Variants in GALNT18 observed in about 807,000 individuals in gnomAD.
GALNT18 encodes polypeptide N-acetylgalactosaminyltransferase 18.
GALNT18 carries 44 observed loss-of-function variants against 69.5 expected under a neutral mutation model. The ratio of observed to expected loss-of-function variants is 0.63; its 90% CI spans 0.50 to 0.81. The LOEUF (loss-of-function observed/expected upper bound fraction) is 0.81, where lower values mean the gene tolerates loss of function less well. Ranked by LOEUF, GALNT18 falls within the 40% of genes least tolerant of loss-of-function variation. The pLI is 0.00. For missense variants in GALNT18, 715 were observed against 810.0 expected (o/e 0.88, Z 1.42); for synonymous variants, 364 against 318.2 (o/e 1.14, Z -1.53).
At position 11,306,072 on chromosome 11, in the gene GALNT18, G is replaced by C. The variant is rs1849573121; in HGVS notation, c.1513-12879C>G. Among the ~76,000 whole-genome samples the C allele has an allele frequency of 2.0e-5, 3 of 152,200 alleles. No homozygotes were observed. The South Asian group carries it at 6.2e-4, about 32-fold the overall frequency. ...GAATGGGGTCTCTCCCCAGGACATA[G>C]TCTATGCCATGTCTAGACCTTACCT... On this transcript the variant is annotated intron_variant, in intron 9 of 10. Transcript: ENST00000227756.
At chr11:11,325,310 G>T (rs1849898876) in intron 9 of GALNT18, among the ~76,000 whole-genome samples, 1 of 152,206 alleles carries the variant, frequency 6.6e-6, no homozygotes, top group Admixed American at 6.5e-5. Context: ...GCTAAGCTAT[G>T]AGGATGCAAA....
chr11:11,369,327 C>A (rs1232447562), intron 6 of GALNT18, among the ~76,000 whole-genome samples: 1 of 152,158 alleles, frequency 6.6e-6, no homozygotes, highest in African/African-American at 2.4e-5. Flanking sequence ...AGGGAAGGAT[C>A]CTTCTTTGCC....
At chr11:11,471,527 C>T (rs1173179790) in intron 1 of GALNT18, among the ~76,000 whole-genome samples, 1 of 152,210 alleles carries the variant, frequency 6.6e-6, no homozygotes, top group African/African-American at 2.4e-5. Flanking sequence ...GCTGTGATTC[C>T]CCAGGTCTCT....
At position 11,592,309 on chromosome 11, in the gene GALNT18, T is replaced by C. The variant is rs1385215855; in HGVS notation, c.235+29050A>G. 2.0e-5 allele frequency among the ~76,000 whole-genome samples: 3 copies of C among 152,038 alleles called. No homozygotes were observed. On this transcript the variant is annotated intron_variant, in intron 1 of 10. Transcript: ENST00000227756. The surrounding 1 kb of genome is among the most constrained non-coding windows in gnomAD (Gnocchi z 5.9). Reference sequence around the variant, plus strand: ...TTATATGCACGGTTACGAAAAAAAATCAAAGATGTTTCCCACACATTGTCC... The same window carrying C: ...TTATATGCACGGTTACGAAAAAAAACCAAAGATGTTTCCCACACATTGTCC...
chr11:11,395,417 A>G lies in GALNT18; in HGVS notation c.596-16153T>C, dbSNP rs190584283. On this transcript the variant is annotated intron_variant, in intron 3 of 10. Transcript: ENST00000227756. ...GTCTGCATCAGCTCATTTAATCTGC[A>G]TATGTAGCAGGGCCTGTGCTAGGGG... Among the ~76,000 whole-genome samples the G allele has an allele frequency of 1.4e-3, 217 of 152,356 alleles. 2 individuals are homozygous for G. Among genetic ancestry groups the G allele is most frequent in the African/African-American group, 5.0e-3 (206 of 41,580 alleles).
intron 1 of GALNT18, among the ~76,000 whole-genome samples, chr11:11,516,502 A>G (rs1451747017): frequency 6.6e-6 from 1 of 152,146 alleles, no homozygotes; most frequent in Non-Finnish European, 1.5e-5. Context: ...GTGGTGGAGC[A>G]TATCTGTAGT....
intron 3 of GALNT18, among the ~76,000 whole-genome samples, chr11:11,424,947 G>A (rs1465471748): frequency 6.6e-6 from 1 of 152,128 alleles, no homozygotes; most frequent in Admixed American, 6.5e-5. Flanking sequence ...AGTGCATGCT[G>A]GACAAAGCGA....
In GALNT18 at chr11:11,544,237, C is replaced by A. The variant is rs759687824; in HGVS notation, c.235+77122G>T. 5.1e-4 allele frequency among the ~76,000 whole-genome samples: 77 copies of A among 152,174 alleles called. 2 individuals are homozygous for A. The highest frequency in any genetic ancestry group is 8.8e-5 in the Non-Finnish European group (6 of 68,030). ...AGTAATGGACATTGAGGGGACCCAA[C>A]CTTCAGTACACACAAGTGGGAGCAA... is the stretch of plus-strand genomic sequence containing the variant. On this transcript the variant is annotated intron_variant, in intron 1 of 10. Coordinates refer to ENST00000227756, the MANE Select transcript of GALNT18 (RefSeq NM_198516.3).
In GALNT18 at chr11:11,314,909, A is replaced by G. The variant is rs1401161690; in HGVS notation, c.1512+12177T>C. 6.6e-6 allele frequency among the ~76,000 whole-genome samples: 1 copy of G among 152,094 alleles called. No individual in the cohort carries two copies. Among genetic ancestry groups the G allele is most frequent in the Non-Finnish European group, 1.5e-5 (1 of 68,012 alleles). ...GGACTTATGGCCTACACACTCAACT[A>G]TTGGTGGTGGGGCCTAGGGATATCT... On this transcript the variant is annotated intron_variant, in intron 9 of 10. Coordinates refer to ENST00000227756, the MANE Select transcript of GALNT18 (RefSeq NM_198516.3). This position sits in a 1 kb window ranked among gnomAD's most constrained non-coding sequence, Gnocchi z 5.2.
intron 3 of GALNT18, among the ~76,000 whole-genome samples, chr11:11,422,661 G>T (rs1855037486): frequency 6.6e-6 from 1 of 151,004 alleles, no homozygotes; most frequent in Admixed American, 6.6e-5. Flanking sequence ...CCAGCTGCAT[G>T]CAAAGCTGTT....
intron 2 of GALNT18, among the ~76,000 whole-genome samples, chr11:11,442,584 C>G (rs1348768995): frequency 6.6e-6 from 1 of 152,136 alleles, no homozygotes. Context: ...CCAGGAAGAC[C>G]AGTGCCCCTG....
rs1853942812 is a variant in GALNT18, at chr11:11,382,393, G to T, written c.596-3129C>A. ...CTATCCCAAAAATACTTCTGCGTTG[G>T]CTGGAAAATTGCTTTCCAAAACACT... On this transcript the variant is annotated intron_variant, in intron 3 of 10. Transcript: ENST00000227756. This position sits in a 1 kb window ranked among gnomAD's most constrained non-coding sequence, Gnocchi z 4.3. 6.6e-6 allele frequency among the ~76,000 whole-genome samples: 1 copy of T among 152,170 alleles called. No homozygotes were observed. Among genetic ancestry groups the T allele is most frequent in the South Asian group, 2.1e-4 (1 of 4,830 alleles).
rs1348390181 is a variant in GALNT18, at chr11:11,459,460, G to A, written c.236-10524C>T. Among the ~76,000 whole-genome samples the A allele has an allele frequency of 6.6e-6, 1 of 152,260 alleles. No individual in the cohort carries two copies. The highest frequency in any genetic ancestry group is 2.1e-4 in the South Asian group (1 of 4,818). On this transcript the variant is annotated intron_variant, in intron 1 of 10. Coordinates refer to ENST00000227756, the MANE Select transcript of GALNT18 (RefSeq NM_198516.3). The surrounding 1 kb of genome is among the most constrained non-coding windows in gnomAD (Gnocchi z 5.0). ...GAACAGTGTTGCAGGGAAGAAGAGA[G>A]GCTTCTTCAGGGTGCCTCAGCCCAA...
intron 1 of GALNT18, chr11:11,476,570 C>T (rs77008061): frequency 2.3e-4 from 35 of 152,270 alleles, no homozygotes; most frequent in African/African-American, 7.0e-4. Context: ...ATGGACAGCT[C>T]CGGTGACAAG....
intron 9 of GALNT18, among the ~76,000 whole-genome samples, chr11:11,322,107 A>G (rs1006001970): frequency 6.6e-6 from 1 of 152,266 alleles, no homozygotes; most frequent in African/African-American, 2.4e-5. Context: ...ACTACATACC[A>G]GGTATGGTTT....
chr11:11,534,388 T>C (rs1857725660), intron 1 of GALNT18, among the ~76,000 whole-genome samples: 1 of 152,254 alleles, frequency 6.6e-6, no homozygotes, highest in Admixed American at 6.5e-5. Flanking sequence ...AGCCATTTTG[T>C]CTCACTCTTA....
At chr11:11,429,681 C>A (rs773714104) in intron 3 of GALNT18, among the ~76,000 whole-genome samples, 1 of 152,180 alleles carries the variant, frequency 6.6e-6, no homozygotes, top group African/African-American at 2.4e-5. Context: ...TTTCCGTGGT[C>A]AGTTATCATC....
intron 3 of GALNT18, among the ~76,000 whole-genome samples, chr11:11,400,185 G>A (rs1011183091): frequency 8.5e-5 from 13 of 152,088 alleles, no homozygotes; most frequent in African/African-American, 3.1e-4. Context: ...GACCATCCAG[G>A]CCCAGTCAAA....
intron 10 of GALNT18, among the ~76,000 whole-genome samples, chr11:11,284,980 T>G (rs1849165508): frequency 6.8e-6 from 1 of 146,228 alleles, no homozygotes. Context: ...TGAGTGAGAT[T>G]CTGCCCAGGG....
Sources: allele counts gnomAD v4.1 joint callset (sites outside exome capture counted in the v4.1 genomes callset), GRCh38; gene constraint gnomAD v4.1.1; non-coding constraint Gnocchi (gnomAD v3.1); transcripts MANE v1.5; gene names NCBI Gene and HGNC (gene_info 2026-07-23, HGNC 2026-07-21).